The following CUEDC1 variants were observed in gnomAD, a reference collection of about 807,000 sequenced individuals.
CUEDC1 encodes CUE domain-containing protein 1.
CUEDC1 carries 30 observed loss-of-function variants against 43.7 expected under a neutral mutation model. The observed-to-expected ratio is 0.69, with a 90% CI of 0.51 to 0.93. CUEDC1 has a LOEUF of 0.93. Among genes scored for constraint, CUEDC1 ranks in the 40% least tolerant of loss-of-function variants. CUEDC1 has a pLI of 0.00. For missense variants in CUEDC1, 486 were observed against 549.0 expected, an observed-to-expected ratio of 0.89 and a Z score of 1.15; for synonymous variants, 223 against 223.6, an observed-to-expected ratio of 1.00 and a Z score of 0.02.
chr17:57,934,559 TAAAAAAAAAAAAAAA>T (rs575832390), intron 1 of CUEDC1, among the ~76,000 whole-genome samples: 2 of 65,336 alleles, frequency 3.1e-5, no homozygotes, highest in Admixed American at 1.9e-4. Flanking sequence ...CCTGTCTCTC[TAAAAAAAAAAAAAAA>T]AAAAAAAAAA....
chr17:57,900,230 T>G (rs1386909789), intron 1 of CUEDC1, among the ~76,000 whole-genome samples: 1 of 152,052 alleles, frequency 6.6e-6, no homozygotes, highest in African/African-American at 2.4e-5. Context: ...AATCTCTACT[T>G]CTAGAAAATG....
chr17:57,867,567 C>T (rs1250117778), intron 8 of CUEDC1, 152 bp from the exon 9 acceptor site: 1 of 680,808 alleles, frequency 1.5e-6, no homozygotes, highest in African/African-American at 1.8e-5. Context: ...GTCCCCCAGG[C>T]TCATTTTCCT....
At chr17:57,945,746 G>A (rs151297059) in intron 1 of CUEDC1, among the ~76,000 whole-genome samples, 49 of 152,260 alleles carry the variant, frequency 3.2e-4, no homozygotes, top group Non-Finnish European at 1.8e-4. Context: ...TTGGCCGGGC[G>A]TGGTGGCTCA....
In CUEDC1 at chr17:57,877,354, A is replaced by C. The variant is rs76791025; in HGVS notation, c.464+2257T>G. On this transcript the variant is annotated intron_variant, in intron 3 of 10. Transcript: ENST00000577830. ...ACATTTATACTGGGATTTTCAGCCA[A>C]GCGTGACGGTATGCCCTGTAGTCCC... Among the ~76,000 whole-genome samples, 144 of 152,264 alleles carry C rather than the reference A, an allele frequency of 9.5e-4. 2 individuals are homozygous for C. In the East Asian group the frequency reaches 0.027, roughly 29 times the overall value.
At chr17:57,883,376 G>A (rs1232972493) in intron 2 of CUEDC1, among the ~76,000 whole-genome samples, 1 of 152,218 alleles carries the variant, frequency 6.6e-6, no homozygotes, top group African/African-American at 2.4e-5. Context: ...CAGGATGGCT[G>A]ATGAACAAGG....
At chr17:57,875,340 A>G (rs1023464787) in intron 3 of CUEDC1, among the ~76,000 whole-genome samples, 3 of 152,186 alleles carry the variant, frequency 2.0e-5, no homozygotes, top group Non-Finnish European at 2.9e-5. Flanking sequence ...GGACCCCTCT[A>G]GCCATGAAGA....
chr17:57,885,603 G>T lies in CUEDC1; in HGVS notation c.-39C>A. 2 of 1,344,060 alleles carry T rather than the reference G, an allele frequency of 1.5e-6. No individual in the cohort carries two copies. Among genetic ancestry groups the T allele is most frequent in the Non-Finnish European group, 1.9e-6 (2 of 1,053,848 alleles). 83.3% of individuals were successfully genotyped at this position (1,344,060 alleles called of 1,614,324 possible). A position where few individuals can be genotyped will look rare whatever the true frequency, so the allele number is the denominator to read the frequency against. ...TTGGGGAAAATGTTTCTAGCCGGCC[G>T]CAAAGCCCCTTCCCCAGGGTCTTTC... On this transcript the variant is annotated 5_prime_UTR_variant, in exon 2 of 11. Transcript: ENST00000577830.
At chr17:57,949,564 CTTTTTTTT>C (rs1194743025) in intron 1 of CUEDC1, among the ~76,000 whole-genome samples, 10 of 79,942 alleles carry the variant, frequency 1.3e-4, no homozygotes, top group African/African-American at 4.5e-4. Context: ...CTCTGACATA[CTTTTTTTT>C]TTTTTTTTTT....
intron 1 of CUEDC1, among the ~76,000 whole-genome samples, chr17:57,942,062 TG>T (rs2074921569): frequency 2.0e-5 from 3 of 152,082 alleles, no homozygotes; most frequent in African/African-American, 7.2e-5. Flanking sequence ...TACACTTCCC[TG>T]GGGACCCCAG....
At chr17:57,866,808 A>T (rs971205835) in intron 9 of CUEDC1, 2 of 478,552 alleles carry the variant, frequency 4.2e-6, no homozygotes, top group Non-Finnish European at 7.6e-6. Flanking sequence ...TCATCTATAA[A>T]ATGGGATGGA....
Position 57,897,962 on chromosome 17 carries a change from G to A in CUEDC1, c.-315-12083C>T, listed in dbSNP as rs1054320416. 3.3e-5 allele frequency among the ~76,000 whole-genome samples: 5 copies of A among 152,002 alleles called. No individual in the cohort carries two copies. The South Asian group carries it at 6.2e-4, about 19-fold the overall frequency. On this transcript the variant is annotated intron_variant, in intron 1 of 10. Transcript: ENST00000577830. The stretch of plus-strand genomic sequence containing the variant: ...CAGGATGCAGAGGTTGCAATGAGCC[G>A]AGATTGCACCACTGCACTCCAGCCT...
intron 6 of CUEDC1, 127 bp downstream of exon 6, chr17:57,871,159 G>A: frequency 2.7e-6 from 2 of 753,366 alleles, no homozygotes; most frequent in Non-Finnish European, 4.7e-6. Flanking sequence ...AGCCTGCTGA[G>A]GAGGCCCAGG....
intron 2 of CUEDC1, among the ~76,000 whole-genome samples, chr17:57,882,657 C>A (rs897156636): frequency 2.0e-5 from 3 of 152,172 alleles, no homozygotes; most frequent in Non-Finnish European, 2.9e-5. Flanking sequence ...CCTGAGACAG[C>A]AAAACCAACC....
intron 1 of CUEDC1, among the ~76,000 whole-genome samples, chr17:57,908,620 C>T (rs2074552186): frequency 6.6e-6 from 1 of 152,162 alleles, no homozygotes; most frequent in Non-Finnish European, 1.5e-5. Context: ...CAGGGGCTTC[C>T]TGAAACATGC....
chr17:57,924,247 G>A (rs902427821), intron 1 of CUEDC1, among the ~76,000 whole-genome samples: 7 of 152,152 alleles, frequency 4.6e-5, no homozygotes, highest in South Asian at 4.2e-4. Context: ...CTGGGACTAC[G>A]GGCGGACGCC....
intron 1 of CUEDC1, among the ~76,000 whole-genome samples, chr17:57,943,095 C>G (rs1276439014): frequency 1.3e-5 from 2 of 152,208 alleles, no homozygotes; most frequent in African/African-American, 4.8e-5. Flanking sequence ...TTTTTAACGA[C>G]ATGCCTCCCT....
chr17:57,881,414 T>C (rs1022567184), intron 2 of CUEDC1, among the ~76,000 whole-genome samples: 11 of 152,200 alleles, frequency 7.2e-5, no homozygotes, highest in African/African-American at 2.4e-4. Context: ...GAGAGAACAC[T>C]GTAAGCGCTG....
chr17:57,896,487 G>GGGGGGGGGGGGT (rs375270781), intron 1 of CUEDC1, among the ~76,000 whole-genome samples: 2 of 130,372 alleles, frequency 1.5e-5, no homozygotes, highest in South Asian at 5.0e-4. Flanking sequence ...TGCATTATGG[G>GGGGGGGGGGGGT]GTGTGTGTGT....
intron 1 of CUEDC1, among the ~76,000 whole-genome samples, chr17:57,928,914 T>C (rs2074776522): frequency 6.6e-6 from 1 of 152,054 alleles, no homozygotes; most frequent in African/African-American, 2.4e-5. Flanking sequence ...AGTTCCAACA[T>C]TGTCCCAATT....
Sources: allele counts gnomAD v4.1 joint callset (sites outside exome capture counted in the v4.1 genomes callset), GRCh38; gene constraint gnomAD v4.1.1; transcripts MANE v1.5; gene names NCBI Gene and HGNC (gene_info 2026-07-23, HGNC 2026-07-21).